The following KIF27 variants were observed in gnomAD, a reference collection of about 807,000 sequenced individuals.
KIF27 encodes the protein kinesin-like protein KIF27.
KIF27 carries 84 observed loss-of-function variants against 141.8 expected under a neutral mutation model. That is an observed-to-expected ratio of 0.59 (90% CI 0.50 to 0.71). KIF27 has a LOEUF of 0.71. Ranked by LOEUF, KIF27 falls within the 30% of genes least tolerant of loss-of-function variation. KIF27 has a pLI of 0.00. For missense variants in KIF27, 1,306 were observed against 1,628.4 expected (o/e 0.80, Z 3.41); for synonymous variants, 471 against 569.5 (o/e 0.83, Z 2.46).
intron 13 of KIF27, among the ~76,000 whole-genome samples, chr9:83,865,182 CCCA>C (rs1482548643): frequency 6.6e-6 from 1 of 152,126 alleles, no homozygotes; most frequent in Non-Finnish European, 1.5e-5. Flanking sequence ...TTCTGGAATT[CCCA>C]TTACTTGGAT....
In KIF27 at chr9:83,898,956, AAAAC is replaced by A. The variant is rs1468333413; in HGVS notation, c.1602+701_1602+704del. The A allele has an allele frequency of 2.5e-4, 38 of 152,466 alleles. 1 individual carries two copies. Among genetic ancestry groups the A allele is most frequent in the African/African-American group, 8.4e-4 (35 of 41,572 alleles). The allele number at this position is 152,466 out of a possible 1,614,324, so 9.4% of individuals were successfully genotyped here. A position where few individuals can be genotyped will look rare whatever the true frequency, so the allele number is the denominator to read the frequency against. ...GAGCAACAGAATGAGATCCTGTCTC[AAAAC>A]AAACAAAACAACAACAACAAACAAC... is the stretch of plus-strand genomic sequence containing the variant. On this transcript the variant is annotated intron_variant, in intron 5 of 17. Coordinates refer to ENST00000297814, the MANE Select transcript of KIF27 (RefSeq NM_017576.4).
intron 11 of KIF27, among the ~76,000 whole-genome samples, chr9:83,875,653 T>C (rs533231305): frequency 6.6e-6 from 1 of 151,798 alleles, no homozygotes; most frequent in Non-Finnish European, 1.5e-5. Context: ...GAACAAGCAA[T>C]CAGGAAGAGA....
intron 9 of KIF27, among the ~76,000 whole-genome samples, chr9:83,886,110 G>C: frequency 6.6e-6 from 1 of 152,020 alleles, no homozygotes; most frequent in Non-Finnish European, 1.5e-5. Context: ...CCACAGGCAG[G>C]ATCAAACACC....
At chr9:83,912,932 G>A (rs552537300) in intron 2 of KIF27, among the ~76,000 whole-genome samples, 4 of 151,924 alleles carry the variant, frequency 2.6e-5, no homozygotes, top group African/African-American at 4.8e-5. Flanking sequence ...GAGGCAGGGC[G>A]GATCACTTGA....
intron 9 of KIF27, among the ~76,000 whole-genome samples, chr9:83,885,666 C>A (rs1952036692): frequency 6.6e-6 from 1 of 152,138 alleles, no homozygotes; most frequent in African/African-American, 2.4e-5. Flanking sequence ...CGGTCTTGCT[C>A]TGTCACCTAG....
chr9:83,906,576 A>G (rs1264016014), intron 3 of KIF27, among the ~76,000 whole-genome samples: 1 of 151,998 alleles, frequency 6.6e-6, no homozygotes, highest in Non-Finnish European at 1.5e-5. Flanking sequence ...CCCCGTCTCT[A>G]CAAAAAAATA....
intron 5 of KIF27, among the ~76,000 whole-genome samples, chr9:83,898,326 T>A (rs62563546): frequency 2.1e-3 from 314 of 152,304 alleles, no homozygotes; most frequent in Non-Finnish European, 3.4e-3. Context: ...GGATGAATCA[T>A]AACAATGTTC....
At chr9:83,858,865 C>T (rs914140750) in intron 14 of KIF27, 8 of 387,452 alleles carry the variant, frequency 2.1e-5, no homozygotes, top group Non-Finnish European at 3.3e-5. Flanking sequence ...TGATTTCAGA[C>T]GAGAAACCCC....
chr9:83,894,947 T>A (rs556843555), intron 5 of KIF27, among the ~76,000 whole-genome samples: 2 of 152,058 alleles, frequency 1.3e-5, no homozygotes, highest in East Asian at 3.9e-4. Context: ...AAAGATTGGT[T>A]AAAAATCAGA....
intron 16 of KIF27, among the ~76,000 whole-genome samples, chr9:83,844,850 C>T (rs1947052131): frequency 6.6e-6 from 1 of 152,158 alleles, no homozygotes. Context: ...TTGCTACATT[C>T]GGCCCTTCCT....
chr9:83,895,170 G>A (rs1466377864), intron 5 of KIF27, among the ~76,000 whole-genome samples: 6 of 151,058 alleles, frequency 4.0e-5, no homozygotes, highest in African/African-American at 1.5e-4. Context: ...GCTGAGGCAG[G>A]AGAATGGCAT....
At chr9:83,898,001 G>A (rs1953449443) in intron 5 of KIF27, among the ~76,000 whole-genome samples, 1 of 152,132 alleles carries the variant, frequency 6.6e-6, no homozygotes, top group East Asian at 1.9e-4. Flanking sequence ...TGAGAATGCT[G>A]GGTGGGAGTA....
At chr9:83,860,635 CTTTTTCA>C (rs1287760926) in intron 13 of KIF27, among the ~76,000 whole-genome samples, 1 of 152,182 alleles carries the variant, frequency 6.6e-6, no homozygotes, top group Non-Finnish European at 1.5e-5. Flanking sequence ...TTCCTCAACA[CTTTTTCA>C]TTTATCAAAC....
At chr9:83,903,004 C>T (rs1954088494) in intron 4 of KIF27, 56 bp downstream of exon 4, 6 of 1,100,116 alleles carry the variant, frequency 5.5e-6, no homozygotes, top group Admixed American at 4.8e-5. Context: ...AAAATATGTA[C>T]ATCTATTATG....
intron 10 of KIF27, among the ~76,000 whole-genome samples, chr9:83,882,340 C>CAA (rs1951745676): frequency 1.3e-5 from 2 of 151,860 alleles, no homozygotes; most frequent in African/African-American, 4.8e-5. Context: ...CCAGCCTGGG[C>CAA]AACAGAGCAA....
intron 11 of KIF27, among the ~76,000 whole-genome samples, chr9:83,871,113 G>C (rs1266147574): frequency 6.6e-6 from 1 of 151,732 alleles, no homozygotes; most frequent in Non-Finnish European, 1.5e-5. Flanking sequence ...ATGGGGTCTT[G>C]TTACATTGCC....
chr9:83,901,863 T>C (rs1470950485), intron 4 of KIF27, among the ~76,000 whole-genome samples: 1 of 152,018 alleles, frequency 6.6e-6, no homozygotes, highest in African/African-American at 2.4e-5. Flanking sequence ...GAGAGCAAGA[T>C]TCCATCTCAA....
chr9:83,902,585 C>T, intron 4 of KIF27, among the ~76,000 whole-genome samples: 1 of 152,000 alleles, frequency 6.6e-6, no homozygotes, highest in Middle Eastern at 3.2e-3. Context: ...ACTCCAAACA[C>T]AAGAGATGAA....
chr9:83,881,717 T>C (rs1951691855), intron 10 of KIF27, among the ~76,000 whole-genome samples: 1 of 152,258 alleles, frequency 6.6e-6, no homozygotes, highest in Admixed American at 6.5e-5. Flanking sequence ...GTACCTAAAT[T>C]TGGACACTGG....
Sources: allele counts gnomAD v4.1 joint callset (sites outside exome capture counted in the v4.1 genomes callset), GRCh38; gene constraint gnomAD v4.1.1; transcripts MANE v1.5; gene names NCBI Gene and HGNC (gene_info 2026-07-23, HGNC 2026-07-21).